The following MRC1 variants were observed in gnomAD, a reference collection of about 807,000 sequenced individuals.
MRC1 encodes the protein mannose receptor C-type 1, also known as macrophage mannose receptor 1.
MRC1 carries 62 observed loss-of-function variants against 102.9 expected under a neutral mutation model. The observed-to-expected ratio is 0.60, with a 90% CI of 0.49 to 0.74. The LOEUF is 0.74. Ranked by LOEUF, MRC1 falls within the 30% of genes least tolerant of loss-of-function variation. The probability of loss-of-function intolerance (pLI) is 0.00; values close to 1 mark genes in which losing one functional copy is unlikely to be tolerated. For synonymous variants in MRC1, 457 were observed against 298.4 expected (o/e 1.53, Z -5.48); for missense variants, 1,237 against 862.8 (o/e 1.43, Z -5.43).
chr10:17,910,313 G>A lies in MRC1; in HGVS notation c.4219G>A (p.Ala1407Thr), dbSNP rs1044219347. ...LLILTGAGLA[A>T]YFFYKKRRVH... ...GATTTTAACGGGTGCTGGCCTTGCC[G>A]CCTATTTCTTTTATAAGAAAAGACG... Residue 1407 changes from alanine (A) to threonine (T), a missense_variant, in exon 30 of 30, where the codon GCC becomes ACC. By Grantham distance (58) the Ala-to-Thr change is moderately conservative. Transcript: ENST00000569591. The A allele has an allele frequency of 9.0e-6, 7 of 780,724 alleles. No homozygotes were observed. Among genetic ancestry groups the A allele is most frequent in the East Asian group, 4.8e-5 (2 of 41,244 alleles). 48.4% of individuals were successfully genotyped at this position (780,724 alleles called of 1,614,324 possible).
intron 22 of MRC1, among the ~76,000 whole-genome samples, chr10:17,889,514 C>G (rs1833645236): frequency 6.6e-6 from 1 of 152,158 alleles, no homozygotes; most frequent in Non-Finnish European, 1.5e-5. Flanking sequence ...AATCCTCCTA[C>G]CTTGGCCTCC....
Position 17,906,925 on chromosome 10 carries a change from GT to G in MRC1, c.3843del (p.Leu1282CysfsTer16). 1 of 821,908 alleles carries G rather than the reference GT, an allele frequency of 1.2e-6. No individual in the cohort carries two copies. Among genetic ancestry groups the G allele is most frequent in the Non-Finnish European group, 2.2e-6 (1 of 455,714 alleles). The allele number at this position is 821,908 out of a possible 1,614,324, so 50.9% of individuals were successfully genotyped here. A position where few individuals can be genotyped will look rare whatever the true frequency, so the allele number is the denominator to read the frequency against. On this transcript the variant is annotated frameshift_variant, in exon 27 of 30. Transcript: ENST00000569591. LOFTEE classifies it high-confidence loss of function. ...TCCATTGAAAGTGCTGCAGAATCCA[GT>G]TTTCTGTCATATCGGGTTGAGCCAC... ...LVSIESAAESSFLSYRVEPLK... is the reference protein window; with the variant it reads ...LVSIESAAESXFLSYRVEPLK...
chr10:17,816,670 C>G (rs980349415), intron 1 of MRC1, among the ~76,000 whole-genome samples: 3 of 152,152 alleles, frequency 2.0e-5, no homozygotes, highest in Admixed American at 6.5e-5. Flanking sequence ...ACCTAAACAG[C>G]GAAGGCCGAG....
In MRC1 at chr10:17,853,168, G is replaced by T; in HGVS notation, c.1407+44G>T. 3 of 778,836 alleles carry T rather than the reference G, an allele frequency of 3.9e-6. No homozygotes were observed. In the South Asian group the frequency reaches 4.0e-5, roughly 10 times the overall value. 48.2% of individuals were successfully genotyped at this position (778,836 alleles called of 1,614,324 possible). A position where few individuals can be genotyped will look rare whatever the true frequency, so the allele number is the denominator to read the frequency against. Reference sequence around the variant, plus strand: ...CTGATATTTATAATGAAAGTCACGGGGGATTTTTCCTTCTGTCCCAGTCAG... The same window carrying T: ...CTGATATTTATAATGAAAGTCACGGTGGATTTTTCCTTCTGTCCCAGTCAG... On this transcript the variant is annotated intron_variant, in intron 8 of 29. Transcript: ENST00000569591.
intron 3 of MRC1, among the ~76,000 whole-genome samples, chr10:17,828,099 C>T (rs1274342057): frequency 3.3e-5 from 5 of 152,158 alleles, no homozygotes; most frequent in South Asian, 2.1e-4. Flanking sequence ...TTTTTTGAGA[C>T]GGAGTCTCGC....
In MRC1 at chr10:17,855,346, C is replaced by G. The variant is rs1023453304; in HGVS notation, c.1408-896C>G. Among the ~76,000 whole-genome samples the G allele has an allele frequency of 1.2e-3, 189 of 151,570 alleles. 2 individuals carry two copies. In the East Asian group the frequency reaches 0.027, roughly 22 times the overall value. ...CAGCACTTTGGGAGGCCGAGGCAGG[C>G]GGATCATGAGGTCGGGAGATCGAGA... On this transcript the variant is annotated intron_variant, in intron 8 of 29. Transcript: ENST00000569591.
intron 8 of MRC1, among the ~76,000 whole-genome samples, 177 bp from the exon 9 acceptor site, chr10:17,856,065 G>A (rs1833086462): frequency 6.6e-6 from 1 of 151,712 alleles, no homozygotes; most frequent in Non-Finnish European, 1.5e-5. Flanking sequence ...AGCTACTAGG[G>A]GGGCTGAGGC....
intron 4 of MRC1, among the ~76,000 whole-genome samples, chr10:17,834,477 A>G (rs956281979): frequency 2.0e-5 from 3 of 152,148 alleles, no homozygotes; most frequent in African/African-American, 7.2e-5. Flanking sequence ...CAATGACGCA[A>G]TCTCAGCTCA....
intron 24 of MRC1, among the ~76,000 whole-genome samples, chr10:17,899,266 T>G (rs1014062343): frequency 3.3e-5 from 5 of 152,380 alleles, no homozygotes; most frequent in East Asian, 1.9e-4. Context: ...GAATGATTTC[T>G]GTGATTAAAT....
At chr10:17,833,258 C>T (rs1158930681) in intron 3 of MRC1, among the ~76,000 whole-genome samples, 2 of 152,020 alleles carry the variant, frequency 1.3e-5, no homozygotes, top group African/African-American at 4.8e-5. Flanking sequence ...TAGTAGCTCA[C>T]CTTTGTAATC....
chr10:17,835,484 A>G (rs1838649012), intron 4 of MRC1, among the ~76,000 whole-genome samples: 1 of 152,212 alleles, frequency 6.6e-6, no homozygotes, highest in Admixed American at 6.5e-5. Flanking sequence ...ACAAATGAAT[A>G]GGTACCAATT....
At chr10:17,861,983 G>A (rs1157305749) in intron 10 of MRC1, among the ~76,000 whole-genome samples, 7 of 152,152 alleles carry the variant, frequency 4.6e-5, no homozygotes, top group African/African-American at 1.7e-4. Flanking sequence ...TGGACATAGA[G>A]GAGCTTATGT....
chr10:17,870,152 T>A, intron 12 of MRC1, 94 bp from the exon 13 acceptor site: 1 of 709,222 alleles, frequency 1.4e-6, no homozygotes, highest in East Asian at 2.5e-5. Flanking sequence ...TTTGTTTTTC[T>A]GTAAATGAAC....
intron 1 of MRC1, among the ~76,000 whole-genome samples, chr10:17,810,761 T>TA (rs1323544099): frequency 6.6e-6 from 1 of 152,178 alleles, no homozygotes; most frequent in African/African-American, 2.4e-5. Context: ...AAGAAGTACA[T>TA]AAAAGGCCAA....
At chr10:17,867,019 A>G (rs1304147585) in intron 12 of MRC1, among the ~76,000 whole-genome samples, 2 of 148,490 alleles carry the variant, frequency 1.3e-5, no homozygotes, top group African/African-American at 5.0e-5. Context: ...TGCCGCTATC[A>G]CCTCCTCTCT....
At chr10:17,858,551 G>C (rs934791773) in intron 9 of MRC1, among the ~76,000 whole-genome samples, 1 of 152,180 alleles carries the variant, frequency 6.6e-6, no homozygotes, top group Non-Finnish European at 1.5e-5. Flanking sequence ...GCAGTGGCAT[G>C]ATATTAGCTC....
chr10:17,827,709 T>C lies in MRC1; in HGVS notation c.631T>C (p.Leu211=). The C allele has an allele frequency of 1.3e-6, 1 of 780,912 alleles. No homozygotes were observed. The highest frequency in any genetic ancestry group is 2.4e-6 in the Non-Finnish European group (1 of 417,968). 48.4% of individuals were successfully genotyped at this position (780,912 alleles called of 1,614,324 possible). A position where few individuals can be genotyped will look rare whatever the true frequency, so the allele number is the denominator to read the frequency against. Residue 211 remains leucine (L), a synonymous_variant, in exon 3 of 30, where the codon TTG becomes CTG. Coordinates refer to ENST00000569591, the MANE Select transcript of MRC1 (RefSeq NM_002438.4). ...AGACAAGCTATTTGGATATTGTCCA[T>C]TGAAATGTAAGTACTGTTTATCACC... ...DTDKLFGYCP[L]KFEGSESLWN...
intron 1 of MRC1, among the ~76,000 whole-genome samples, chr10:17,810,659 T>C (rs1319424612): frequency 6.6e-6 from 1 of 152,220 alleles, no homozygotes; most frequent in African/African-American, 2.4e-5. Flanking sequence ...CTTGTGATGA[T>C]TCAATGAGTA....
At chr10:17,864,424 A>T (rs577087544) in intron 11 of MRC1, among the ~76,000 whole-genome samples, 9 of 152,080 alleles carry the variant, frequency 5.9e-5, no homozygotes, top group African/African-American at 2.4e-5. Flanking sequence ...CTCATGCGGA[A>T]CTCATTATTT....
Sources: allele counts gnomAD v4.1 joint callset (sites outside exome capture counted in the v4.1 genomes callset), GRCh38; gene constraint gnomAD v4.1.1; transcripts MANE v1.5; gene names NCBI Gene and HGNC (gene_info 2026-07-23, HGNC 2026-07-21).